CCT4: variants seen among roughly 807,000 people sequenced by gnomAD.
CCT4 encodes the protein chaperonin containing TCP1 subunit 4, also known as T-complex protein 1 subunit delta.
A neutral mutation model predicts 62.5 loss-of-function variants in CCT4; 17 were observed. That is an observed-to-expected ratio of 0.27 (90% CI 0.19 to 0.41). The LOEUF (loss-of-function observed/expected upper bound fraction) is 0.41, where lower values mean the gene tolerates loss of function less well. Among genes scored for constraint, CCT4 ranks in the 10% least tolerant of loss-of-function variants. The probability of loss-of-function intolerance (pLI) is 1.00; values close to 1 mark genes in which losing one functional copy is unlikely to be tolerated. For missense variants in CCT4, 592 were observed against 659.2 expected (o/e 0.90, Z 1.12); for synonymous variants, 250 against 229.9 (o/e 1.09, Z -0.79).
intron 8 of CCT4, 46 bp from the exon 9 acceptor site, chr2:61,873,339 T>A: frequency 1.9e-6 from 2 of 1,047,842 alleles, no homozygotes. Flanking sequence ...ATTAAAAAAA[T>A]TTTGCTCTTC....
chr2:61,885,281 T>C (rs542018983), intron 1 of CCT4, among the ~76,000 whole-genome samples: 1 of 152,216 alleles, frequency 6.6e-6, no homozygotes, highest in South Asian at 2.1e-4. Context: ...TGTGTTCTTA[T>C]TAGGATATAG....
intron 12 of CCT4, among the ~76,000 whole-genome samples, chr2:61,871,031 GTTTTTTTT>G (rs747752539): frequency 7.2e-6 from 1 of 138,806 alleles, no homozygotes; most frequent in Non-Finnish European, 1.6e-5. Context: ...TCTATTAATA[GTTTTTTTT>G]TTTTTTTTTT....
intron 8 of CCT4, among the ~76,000 whole-genome samples, chr2:61,874,393 G>T (rs1218977934): frequency 3.9e-5 from 6 of 152,066 alleles, no homozygotes; most frequent in Non-Finnish European, 8.8e-5. Flanking sequence ...GCCAAGGGGG[G>T]GCAGACCACG....
chr2:61,873,267 T>G lies in CCT4; in HGVS notation c.944A>C (p.His315Pro). 1 of 1,547,156 alleles carries G rather than the reference T, an allele frequency of 6.5e-7. No individual in the cohort carries two copies. Among genetic ancestry groups the G allele is most frequent in the Non-Finnish European group, 8.9e-7 (1 of 1,119,736 alleles). ...CATGATCTTCATTTTATTCAGAAAG[T>G]GTAATGCAAGATCACTAAGAGCATC... ...LRDALSDLALHFLNKMKIMVI... is the reference protein window; with the variant it reads ...LRDALSDLALPFLNKMKIMVI... Residue 315 changes from histidine to proline, a missense_variant, in exon 9 of 14, where the codon CAC (histidine) becomes CCC (proline). Physicochemically the swap from His to Pro is moderately conservative, Grantham distance 77. This residue lies in a region of CCT4 where 522 missense variants were observed against 571.2 expected (regional missense o/e 0.91). Transcript: ENST00000394440.
Position 61,885,009 on chromosome 2 carries a change from C to T in CCT4, c.180+11G>A, listed in dbSNP as rs527576563. On this transcript the variant is annotated intron_variant, in intron 2 of 13. Transcript: ENST00000394440. ...GCTCAATTAGTAGTATTCAATGACTCAACTCTTTACCATTTTATCCATTCC... is the reference window on the plus strand; with the variant it reads ...GCTCAATTAGTAGTATTCAATGACTTAACTCTTTACCATTTTATCCATTCC... 27 of 1,576,362 alleles carry T rather than the reference C, an allele frequency of 1.7e-5. No homozygotes were observed. Among genetic ancestry groups the T allele is most frequent in the Non-Finnish European group, 1.9e-5 (22 of 1,161,918 alleles).
rs936404247 is a variant in CCT4 at position 61,869,538 on chromosome 2, T to C, written c.1507A>G (p.Ile503Val). The C allele has an allele frequency of 1.2e-6, 2 of 1,602,688 alleles. No homozygotes were observed. The highest frequency in any genetic ancestry group is 2.7e-5 in the African/African-American group (2 of 74,680). ...INVRKGGISN[I>V]LEELVVQPLL... ...GGCTGGACAACCAGTTCCTCCAAAA[T>C]GTTGGAAATACCACCCTGCAAATCA... The change falls in exon 13 of 14, where the codon ATT (isoleucine) becomes GTT (valine). Residue 503 changes from isoleucine to valine, a missense_variant. Physicochemically the swap from Ile to Val is conservative, Grantham distance 29 (BLOSUM62 3). Around this residue, in one of 3 missense-constraint regions of CCT4, gnomAD observed 522 missense variants for 571.2 expected, o/e 0.91. Coordinates refer to ENST00000394440, the MANE Select transcript of CCT4 (RefSeq NM_006430.4).
In CCT4 at chr2:61,876,216, C is replaced by T. The variant is rs370442233; in HGVS notation, c.796G>A (p.Val266Ile). 6 of 1,604,892 alleles carry T rather than the reference C, an allele frequency of 3.7e-6. No individual in the cohort carries two copies. Among genetic ancestry groups the T allele is most frequent in the South Asian group, 1.1e-5 (1 of 89,190 alleles). ...CGGTCCATCTGGGCATAGTCAGAAA[C>T]CACTATTTGATTATCCATCTGTTCA... ...PKTDMDNQIV[V>I]SDYAQMDRVL... The change falls in exon 8 of 14, where the codon GTT becomes ATT. Residue 266 changes from valine to isoleucine, a missense_variant. By Grantham distance (29) the Val-to-Ile change is conservative. Around this residue, in one of 3 missense-constraint regions of CCT4, gnomAD observed 522 missense variants for 571.2 expected, o/e 0.91. Coordinates refer to ENST00000394440, the MANE Select transcript of CCT4 (RefSeq NM_006430.4).
chr2:61,884,247 T>C (rs186990597), intron 2 of CCT4, among the ~76,000 whole-genome samples: 1 of 152,338 alleles, frequency 6.6e-6, no homozygotes, highest in African/African-American at 2.4e-5. Context: ...TATAGTTTAG[T>C]CCTGTTGACT....
At position 61,868,424 on chromosome 2, in the gene CCT4, C is replaced by G. The variant is rs550029144; in HGVS notation, c.*268G>C. Reference sequence around the variant, plus strand: ...TTTTTTTCCTCAACATGTAAACTCACTTTTTACGCTTCTTTTATTAGTTTT... The same window carrying G: ...TTTTTTTCCTCAACATGTAAACTCAGTTTTTACGCTTCTTTTATTAGTTTT... On this transcript the variant is annotated 3_prime_UTR_variant, in exon 14 of 14. Coordinates refer to ENST00000394440, the MANE Select transcript of CCT4 (RefSeq NM_006430.4). The G allele has an allele frequency of 8.1e-5, 34 of 421,442 alleles. No homozygotes were observed. The highest frequency in any genetic ancestry group is 1.4e-4 in the Non-Finnish European group (33 of 233,958). The allele number at this position is 421,442 out of a possible 1,614,324, so 26.1% of individuals were successfully genotyped here.
intron 1 of CCT4, among the ~76,000 whole-genome samples, chr2:61,886,305 G>C (rs966210955): frequency 3.3e-5 from 5 of 152,058 alleles, no homozygotes; most frequent in African/African-American, 9.7e-5. Context: ...CTAGCTACTC[G>C]GGAGGCTGAG....
Position 61,877,314 on chromosome 2 carries a change from T to C in CCT4, c.644+79A>G, listed in dbSNP as rs1175051176. 3.7e-6 allele frequency: 5 copies of C among 1,354,072 alleles called. No individual in the cohort carries two copies. The African/African-American group carries it at 7.3e-5, about 20-fold the overall frequency. The allele number at this position is 1,354,072 out of a possible 1,614,324, so 83.9% of individuals were successfully genotyped here. On this transcript the variant is annotated intron_variant, in intron 6 of 13. Transcript: ENST00000394440. ...AGAAAAGAGAGCTTTGTGACTTTCA[T>C]CTAGGTGTTTTTATTTATTTTTGGC... is the stretch of plus-strand genomic sequence containing the variant.
At chr2:61,879,256 CTTT>C (rs35373962) in intron 4 of CCT4, among the ~76,000 whole-genome samples, 11 of 101,076 alleles carry the variant, frequency 1.1e-4, no homozygotes, top group Admixed American at 2.9e-4. Flanking sequence ...AAATTTTATA[CTTT>C]TTTTTTTTTT....
intron 2 of CCT4, among the ~76,000 whole-genome samples, chr2:61,883,815 CA>C (rs1491522841): frequency 7.0e-6 from 1 of 142,286 alleles, no homozygotes. Flanking sequence ...CACACACACA[CA>C]AAAGGAAAAA....
chr2:61,888,528 G>C lies in CCT4; in HGVS notation c.-21C>G. On this transcript the variant is annotated 5_prime_UTR_variant, in exon 1 of 14. Coordinates refer to ENST00000394440, the MANE Select transcript of CCT4 (RefSeq NM_006430.4). ...GGCATGGCAAACTCCGCTGTGTCTGGGTTGGCTCGGGAAGGACGGATGGAC... is the reference window on the plus strand; with the variant it reads ...GGCATGGCAAACTCCGCTGTGTCTGCGTTGGCTCGGGAAGGACGGATGGAC... 6.2e-7 allele frequency: 1 copy of C among 1,606,638 alleles called. No individual in the cohort carries two copies.
At chr2:61,876,050 T>C (rs548253892) in intron 8 of CCT4, 45 bp downstream of exon 8, 19 of 1,344,890 alleles carry the variant, frequency 1.4e-5, no homozygotes, top group Non-Finnish European at 1.9e-5. Flanking sequence ...CTAGTGGAGA[T>C]CCAAAATTAT....
intron 8 of CCT4, among the ~76,000 whole-genome samples, chr2:61,874,184 T>TG (rs1363387916): frequency 6.6e-6 from 1 of 152,158 alleles, no homozygotes; most frequent in Non-Finnish European, 1.5e-5. Flanking sequence ...AAACTGAGTT[T>TG]GGGGGGCAAT....
At chr2:61,871,121 T>C (rs563198680) in intron 12 of CCT4, among the ~76,000 whole-genome samples, 1 of 148,718 alleles carries the variant, frequency 6.7e-6, no homozygotes, top group Admixed American at 6.7e-5. Flanking sequence ...AACCTCTGCC[T>C]CCCCAGTTCA....
At chr2:61,884,706 G>A (rs951199890) in intron 2 of CCT4, among the ~76,000 whole-genome samples, 3 of 151,346 alleles carry the variant, frequency 2.0e-5, no homozygotes, top group Non-Finnish European at 2.9e-5. Flanking sequence ...TCAGCTCACC[G>A]CAACCTCTGC....
chr2:61,884,335 G>A (rs1038451176), intron 2 of CCT4, among the ~76,000 whole-genome samples: 6 of 152,028 alleles, frequency 3.9e-5, no homozygotes, highest in South Asian at 2.1e-4. Context: ...ATGGAGTCTC[G>A]CTCCATTGCC....
Sources: allele counts gnomAD v4.1 joint callset (sites outside exome capture counted in the v4.1 genomes callset), GRCh38; gene constraint gnomAD v4.1.1; regional missense constraint gnomAD v4.1.1; transcripts MANE v1.5; gene names NCBI Gene and HGNC (gene_info 2026-07-23, HGNC 2026-07-21).